The following MYL6 variants were observed in gnomAD, a reference collection of about 807,000 sequenced individuals.
MYL6 encodes the protein myosin light chain 6.
In MYL6, 20 loss-of-function variants were observed where a neutral mutation model predicts 20.3. The observed-to-expected ratio is 0.98, with a 90% CI of 0.69 to 1.43. MYL6 has a LOEUF of 1.43. MYL6 is among the 40% of genes most tolerant of loss of function. The pLI, the probability that MYL6 is intolerant of heterozygous loss-of-function variation, is 0.00. For missense variants in MYL6, 164 were observed against 191.0 expected (o/e 0.86, Z 0.83); for synonymous variants, 77 against 72.4 (o/e 1.06, Z -0.32).
Position 56,158,702 on chromosome 12 carries a change from C to T in MYL6, c.22C>T (p.Gln8Ter). The T allele has an allele frequency of 6.2e-7, 1 of 1,614,070 alleles. No individual in the cohort carries two copies. The highest frequency in any genetic ancestry group is 8.5e-7 in the Non-Finnish European group (1 of 1,180,008). Reference protein sequence around the residue: MCDFTEDQTAEFKEAFQL... With the variant: MCDFTED ...TGAGCAGTGTGACTTCACCGAAGAC[C>T]AGACCGCAGGTAGGTTATCTCTGAT... Residue 8 changes from glutamine (Q) to a stop codon, truncating the protein, a stop_gained, in exon 2 of 7, where the codon CAG becomes TAG. Coordinates refer to ENST00000550697, the MANE Select transcript of MYL6 (RefSeq NM_021019.5). LOFTEE classifies it high-confidence loss of function.
At position 56,160,697 on chromosome 12, in the gene MYL6, A is replaced by G. The variant is rs202202446; in HGVS notation, c.*16+27A>G. On this transcript the variant is annotated intron_variant, in intron 6 of 6. Coordinates refer to ENST00000550697, the MANE Select transcript of MYL6 (RefSeq NM_021019.5). ...TACGGCTCCTCCCAGCCTCTCCTCTAGTTGATCTCCCCAGTGTTTCTTTTT... is the reference window on the plus strand; with the variant it reads ...TACGGCTCCTCCCAGCCTCTCCTCTGGTTGATCTCCCCAGTGTTTCTTTTT... 12 of 1,611,748 alleles carry G rather than the reference A, an allele frequency of 7.4e-6. No individual in the cohort carries two copies. In the African/African-American group the frequency reaches 1.5e-4, roughly 20 times the overall value.
At chr12:56,159,872 G>A (rs1398470364) in intron 3 of MYL6, 103 bp from the exon 4 acceptor site, 1 of 1,524,548 alleles carries the variant, frequency 6.6e-7, no homozygotes, top group Non-Finnish European at 8.8e-7. Flanking sequence ...TTTTAGTGGG[G>A]AGTCATCTGT....
At chr12:56,159,756 C>CA (rs1871602747) in intron 3 of MYL6, 26 bp downstream of exon 3, 1 of 1,608,796 alleles carries the variant, frequency 6.2e-7, no homozygotes. Context: ...AACAACTCCT[C>CA]AGTGTGGTCA....
chr12:56,158,694 C>T lies in MYL6; in HGVS notation c.14C>T (p.Thr5Ile). The T allele has an allele frequency of 1.2e-6, 2 of 1,614,114 alleles. No homozygotes were observed. The highest frequency in any genetic ancestry group is 1.7e-6 in the Non-Finnish European group (2 of 1,180,010). Residue 5 changes from threonine to isoleucine, a missense_variant, in exon 2 of 7, where the codon ACC becomes ATC. By Grantham distance (89) the Thr-to-Ile change is moderately conservative. Coordinates refer to ENST00000550697, the MANE Select transcript of MYL6 (RefSeq NM_021019.5). ...CTCTTCTCTGAGCAGTGTGACTTCA[C>T]CGAAGACCAGACCGCAGGTAGGTTA... MCDF[T>I]EDQTAEFKEA...
At chr12:56,161,302 C>T in intron 6 of MYL6, 85 bp from the exon 7 acceptor site, 1 of 1,534,602 alleles carries the variant, frequency 6.5e-7, no homozygotes, top group Admixed American at 1.7e-5. Flanking sequence ...GCTTATGCTA[C>T]CTTTGCAGTC....
Position 56,158,712 on chromosome 12 carries a change from G to A in MYL6, c.31+1G>A. The A allele has an allele frequency of 6.2e-7, 1 of 1,614,068 alleles. No homozygotes were observed. Among genetic ancestry groups the A allele is most frequent in the Non-Finnish European group, 8.5e-7 (1 of 1,180,010 alleles). The stretch of plus-strand genomic sequence containing the variant: ...GACTTCACCGAAGACCAGACCGCAG[G>A]TAGGTTATCTCTGATCCCTACCGAG... On this transcript the variant is annotated splice_donor_variant, in intron 2 of 6. Coordinates refer to ENST00000550697, the MANE Select transcript of MYL6 (RefSeq NM_021019.5). LOFTEE classifies it high-confidence loss of function.
chr12:56,161,144 T>C, intron 6 of MYL6: 1 of 604,610 alleles, frequency 1.7e-6, no homozygotes, highest in South Asian at 1.9e-5. Flanking sequence ...TGGAGAACTT[T>C]TCTGCCTCTG....
intron 2 of MYL6, chr12:56,158,986 C>T: frequency 7.4e-7 from 1 of 1,342,630 alleles, no homozygotes; most frequent in Admixed American, 3.4e-5. Context: ...TGTGTGGGGT[C>T]TCGGGAGGGT....
At chr12:56,161,018 C>A in intron 6 of MYL6, 1 of 560,272 alleles carries the variant, frequency 1.8e-6, no homozygotes, top group Non-Finnish European at 3.2e-6. Flanking sequence ...CTGCCCCATT[C>A]TGCTGCTATA....
intron 5 of MYL6, 121 bp downstream of exon 5, chr12:56,160,441 G>GGGCCC: frequency 6.7e-7 from 1 of 1,496,242 alleles, no homozygotes; most frequent in Non-Finnish European, 9.3e-7. Context: ...GCAAGGTGCA[G>GGGCCC]GGCCCTGCCC....
At chr12:56,160,737 T>C (rs1871748251) in intron 6 of MYL6, 67 bp downstream of exon 6, 16 of 1,537,374 alleles carry the variant, frequency 1.0e-5, no homozygotes, top group Non-Finnish European at 1.4e-5. Flanking sequence ...CAACCTGTGC[T>C]CTTTATCCCC....
At chr12:56,160,420 A>C in intron 5 of MYL6, 100 bp downstream of exon 5, 1 of 1,549,284 alleles carries the variant, frequency 6.5e-7, no homozygotes, top group Non-Finnish European at 8.9e-7. Context: ...GGCTCCAAAA[A>C]GAGCCAGGAG....
At chr12:56,158,914 G>A in intron 2 of MYL6, 4 of 1,428,498 alleles carry the variant, frequency 2.8e-6, no homozygotes, top group Non-Finnish European at 2.7e-6. Flanking sequence ...CTGATCCCAA[G>A]CACTGGGTGA....
chr12:56,158,636 C>T (rs1871486206), intron 1 of MYL6, 48 bp from the exon 2 acceptor site: 1 of 1,614,014 alleles, frequency 6.2e-7, no homozygotes, highest in South Asian at 1.1e-5. Context: ...GATAGAAACT[C>T]GGGGGATTGG....
Position 56,158,710 on chromosome 12 carries a change from A to G in MYL6, c.30A>G (p.Ala10=). Residue 10 remains alanine, a splice_region_variant and synonymous_variant, in exon 2 of 7, where the codon GCA becomes GCG. Coordinates refer to ENST00000550697, the MANE Select transcript of MYL6 (RefSeq NM_021019.5). ...GTGACTTCACCGAAGACCAGACCGC[A>G]GGTAGGTTATCTCTGATCCCTACCG... MCDFTEDQT[A]EFKEAFQLFD... The G allele has an allele frequency of 6.2e-7, 1 of 1,614,064 alleles. No homozygotes were observed. Among genetic ancestry groups the G allele is most frequent in the Non-Finnish European group, 8.5e-7 (1 of 1,180,004 alleles).
chr12:56,160,098 GA>G lies in MYL6; in HGVS notation c.302del (p.Asn101MetfsTer20), dbSNP rs780879841. On this transcript the variant is annotated frameshift_variant, in exon 4 of 7. Coordinates refer to ENST00000550697, the MANE Select transcript of MYL6 (RefSeq NM_021019.5). LOFTEE classifies it high-confidence loss of function. ...GGACTTCGGGTGTTTGACAAGGAAG[GA>G]AATGGCACCGTCATGGGTGCTGAAA... ...VEGLRVFDKE[G>X]NGTVMGAEIR... 2.5e-6 allele frequency: 4 copies of G among 1,614,206 alleles called. No individual in the cohort carries two copies. The highest frequency in any genetic ancestry group is 3.4e-6 in the Non-Finnish European group (4 of 1,180,042).
At chr12:56,159,541 T>C (rs1871578447) in intron 2 of MYL6, 46 bp from the exon 3 acceptor site, 1 of 1,599,596 alleles carries the variant, frequency 6.3e-7, no homozygotes, top group Admixed American at 1.7e-5. Context: ...AGGTAGGGTT[T>C]GGATTAACCC....
chr12:56,158,939 G>A (rs1871517434), intron 2 of MYL6: 1 of 1,407,588 alleles, frequency 7.1e-7, no homozygotes, highest in Non-Finnish European at 9.2e-7. Flanking sequence ...TAGGTGGTGT[G>A]GGTATGTGAA....
chr12:56,159,931 T>G (rs1317542803), intron 3 of MYL6, 44 bp from the exon 4 acceptor site: 6 of 1,579,820 alleles, frequency 3.8e-6, no homozygotes, highest in Non-Finnish European at 5.2e-6. Context: ...CCTGAGAACT[T>G]GTGTTACTTC....
Sources: gnomAD v4.1 joint callset for allele counts on GRCh38, gnomAD v4.1.1 for gene constraint, MANE v1.5 for transcripts, NCBI Gene and HGNC (gene_info 2026-07-23, HGNC 2026-07-21) for gene names.